The following DOCK4 variants were observed in gnomAD, a reference collection of about 807,000 sequenced individuals.
DOCK4 encodes the protein dedicator of cytokinesis 4.
DOCK4 carries 97 observed loss-of-function variants against 268.1 expected under a neutral mutation model. The ratio of observed to expected loss-of-function variants is 0.36; its 90% CI spans 0.31 to 0.43. The LOEUF (loss-of-function observed/expected upper bound fraction) is 0.43, where lower values mean the gene tolerates loss of function less well. Ranked by LOEUF, DOCK4 falls within the 20% of genes least tolerant of loss-of-function variation. DOCK4 has a pLI of 1.00. For missense variants in DOCK4, 2,145 were observed against 2,455.7 expected, an observed-to-expected ratio of 0.87 and a Z score of 2.67; for synonymous variants, 954 against 887.2, an observed-to-expected ratio of 1.08 and a Z score of -1.34.
At chr7:112,026,932 T>C (rs1802851496) in intron 1 of DOCK4, among the ~76,000 whole-genome samples, 1 of 152,170 alleles carries the variant, frequency 6.6e-6, no homozygotes, top group South Asian at 2.1e-4. Context: ...TGGAAATGAC[T>C]GAAAGTGACT....
Position 111,769,537 on chromosome 7 carries a change from T to G in DOCK4, c.3820A>C (p.Arg1274=), listed in dbSNP as rs1277531258. The stretch of plus-strand genomic sequence containing the variant: ...GGGGCAGGGCCACTTACTTTGCCTC[T>G]GTCAAAGTTCTGGATGATGGTGAGG... ...LHLTIIQNFD[R]GKCWENGIIL... is the part of the protein sequence containing the mutation. Residue 1274 remains arginine, a synonymous_variant, in exon 37 of 53, where the codon AGA becomes CGA. Transcript: ENST00000428084. The G allele has an allele frequency of 6.2e-7, 1 of 1,613,680 alleles. No homozygotes were observed. Among genetic ancestry groups the G allele is most frequent in the South Asian group, 1.1e-5 (1 of 91,074 alleles).
intron 10 of DOCK4, among the ~76,000 whole-genome samples, chr7:111,942,033 G>T (rs140997759): frequency 6.6e-6 from 1 of 152,144 alleles, no homozygotes; most frequent in Non-Finnish European, 1.5e-5. Context: ...CAGATCAGTG[G>T]CACCAACCCT....
chr7:111,747,433 C>T lies in DOCK4; in HGVS notation c.4427G>A (p.Ser1476Asn), dbSNP rs752729282. The T allele has an allele frequency of 6.3e-7, 1 of 1,598,014 alleles. No homozygotes were observed. The highest frequency in any genetic ancestry group is 8.5e-7 in the Non-Finnish European group (1 of 1,172,322). ...CACTTCAATTGCATTTTCCAGAGGA[C>T]TCATTTCTACCTGAGAAGCAAATGA... ...EVEKREVVEM[S>N]PLENAIEVLE... The change falls in exon 43 of 53, where the codon AGT (serine) becomes AAT (asparagine). Residue 1476 changes from serine (S) to asparagine (N), a missense_variant. Physicochemically the swap from Ser to Asn is conservative, Grantham distance 46. Around this residue, in one of 2 missense-constraint regions of DOCK4, gnomAD observed 1,598 missense variants for 1,986.7 expected, o/e 0.80. Transcript: ENST00000428084.
At chr7:112,054,980 A>C (rs1241283015) in intron 1 of DOCK4, among the ~76,000 whole-genome samples, 1 of 152,236 alleles carries the variant, frequency 6.6e-6, no homozygotes, top group African/African-American at 2.4e-5. Context: ...TTGTATTCTA[A>C]ATTTATTCAA....
chr7:111,818,400 G>A (rs554382216), intron 27 of DOCK4, among the ~76,000 whole-genome samples: 1 of 151,920 alleles, frequency 6.6e-6, no homozygotes, highest in East Asian at 1.9e-4. Context: ...CATCCCCAAT[G>A]CTACTCCTCT....
intron 39 of DOCK4, among the ~76,000 whole-genome samples, chr7:111,761,141 A>G (rs9641469): frequency 0.37 from 55,270 of 150,962 alleles, 10,537 homozygotes; most frequent in South Asian, 0.61. Flanking sequence ...GCTTACTGCA[A>G]CCTCCGTCTC....
At chr7:111,746,477 G>GTTGT in intron 43 of DOCK4, 60 bp from the exon 44 acceptor site, 1 of 1,403,666 alleles carries the variant, frequency 7.1e-7, no homozygotes, top group Non-Finnish European at 9.9e-7. Context: ...TCAAAGACAA[G>GTTGT]TTGTTTTTAA....
intron 23 of DOCK4, among the ~76,000 whole-genome samples, chr7:111,859,820 G>T (rs1356444137): frequency 6.6e-6 from 1 of 152,060 alleles, no homozygotes; most frequent in Non-Finnish European, 1.5e-5. Context: ...GCCCGCCTCG[G>T]CCTCCCAAAG....
chr7:111,873,670 A>G (rs1197654210), intron 17 of DOCK4, among the ~76,000 whole-genome samples: 1 of 152,206 alleles, frequency 6.6e-6, no homozygotes, highest in Non-Finnish European at 1.5e-5. Flanking sequence ...GAGAAAGAAA[A>G]AGAGAATATA....
intron 1 of DOCK4, among the ~76,000 whole-genome samples, chr7:112,015,809 A>G (rs1012364559): frequency 1.3e-5 from 2 of 152,220 alleles, no homozygotes; most frequent in Non-Finnish European, 2.9e-5. Context: ...TAGCAAGTCC[A>G]AGATCAAGGT....
chr7:112,053,955 C>G (rs1805592544), intron 1 of DOCK4, among the ~76,000 whole-genome samples: 3 of 152,108 alleles, frequency 2.0e-5, no homozygotes, highest in African/African-American at 7.2e-5. Flanking sequence ...TTCTCGAACT[C>G]CCACTGTGTA....
intron 1 of DOCK4, among the ~76,000 whole-genome samples, chr7:112,185,060 A>G (rs896804237): frequency 9.9e-5 from 15 of 152,212 alleles, no homozygotes; most frequent in African/African-American, 3.6e-4. Context: ...CACTTAAAAG[A>G]AAGAAACTGA....
At chr7:111,770,581 C>T (rs922238901) in intron 36 of DOCK4, among the ~76,000 whole-genome samples, 3 of 152,104 alleles carry the variant, frequency 2.0e-5, no homozygotes, top group African/African-American at 7.2e-5. Flanking sequence ...TCTCCTTTTC[C>T]TGAATTGTAA....
At chr7:111,783,632 A>C (rs1294941222) in intron 34 of DOCK4, among the ~76,000 whole-genome samples, 1 of 152,068 alleles carries the variant, frequency 6.6e-6, no homozygotes, top group Non-Finnish European at 1.5e-5. Context: ...AAGACTTTGA[A>C]AGAACTATCA....
intron 4 of DOCK4, among the ~76,000 whole-genome samples, chr7:111,994,526 A>G (rs1227886594): frequency 1.3e-5 from 2 of 152,198 alleles, no homozygotes; most frequent in African/African-American, 4.8e-5. Context: ...CAACTCATTT[A>G]ACCTAAGGCC....
intron 1 of DOCK4, among the ~76,000 whole-genome samples, chr7:112,156,536 T>C (rs1816629957): frequency 6.6e-6 from 1 of 152,220 alleles, no homozygotes; most frequent in African/African-American, 2.4e-5. Flanking sequence ...CATTCTATAA[T>C]AGAGACAAAC....
intron 1 of DOCK4, among the ~76,000 whole-genome samples, chr7:112,110,646 G>A (rs1028309835): frequency 6.6e-6 from 1 of 152,210 alleles, no homozygotes; most frequent in Non-Finnish European, 1.5e-5. Flanking sequence ...CAAAGAGGTG[G>A]TGGCCCTGCT....
At chr7:112,108,784 CA>C (rs1257777445) in intron 1 of DOCK4, among the ~76,000 whole-genome samples, 3 of 152,168 alleles carry the variant, frequency 2.0e-5, no homozygotes, top group African/African-American at 7.2e-5. Flanking sequence ...ATTTCAGTGC[CA>C]ATGGAAACCC....
chr7:112,137,949 C>T (rs944763263), intron 1 of DOCK4, among the ~76,000 whole-genome samples: 5 of 152,212 alleles, frequency 3.3e-5, no homozygotes, highest in African/African-American at 1.2e-4. Context: ...GCTTAGCACA[C>T]AGTCAACATT....
Sources: allele counts gnomAD v4.1 joint callset (sites outside exome capture counted in the v4.1 genomes callset), GRCh38; gene constraint gnomAD v4.1.1; regional missense constraint gnomAD v4.1.1; transcripts MANE v1.5; gene names NCBI Gene and HGNC (gene_info 2026-07-23, HGNC 2026-07-21).